The following MVP variants were observed in gnomAD, a reference collection of about 807,000 sequenced individuals.
MVP encodes major vault protein, also known as lung resistance-related protein.
A neutral mutation model predicts 83.5 loss-of-function variants in MVP; 62 were observed. The observed-to-expected ratio is 0.74, with a 90% CI of 0.61 to 0.92. The LOEUF is 0.92. Ranked by LOEUF, MVP falls within the 40% of genes least tolerant of loss-of-function variation. MVP has a pLI of 0.00. For missense variants in MVP, 1,000 were observed against 1,203.4 expected, an observed-to-expected ratio of 0.83 and a Z score of 2.50; for synonymous variants, 505 against 504.1, an observed-to-expected ratio of 1.00 and a Z score of -0.02.
rs2067593193 is a variant in MVP, at chr16:29,847,278, A to G, written c.2347A>G (p.Lys783Glu). 1.9e-6 allele frequency: 3 copies of G among 1,613,552 alleles called. No individual in the cohort carries two copies. Among genetic ancestry groups the G allele is most frequent in the Non-Finnish European group, 2.5e-6 (3 of 1,179,950 alleles). The change falls in exon 14 of 15, where the codon AAG (lysine) becomes GAG (glutamate). Residue 783 changes from lysine (K) to glutamate (E), a missense_variant. Transcript: ENST00000357402. ...GGCCCAGCTGGAGCTGGAGGTGAGC[A>G]AGGCTCAGCAGCTGGCTGAGGTGGA... Reference protein sequence around the residue: ...ARAQLELEVSKAQQLAEVEVK... With the variant: ...ARAQLELEVSEAQQLAEVEVK...
chr16:29,837,224 T>C (rs144431844), intron 7 of MVP, among the ~76,000 whole-genome samples: 326 of 152,334 alleles, frequency 2.1e-3, no homozygotes, highest in African/African-American at 7.6e-3. Context: ...GATACAGTCA[T>C]GCGCCACTTA....
In MVP at chr16:29,841,565, G is replaced by C; in HGVS notation, c.1192-31G>C. ...GGATCTTCCTCCCTTCCACCCTTACGGGCAGCTTCCCTCCCTGTCCTCGTC... is the reference window on the plus strand; with the variant it reads ...GGATCTTCCTCCCTTCCACCCTTACCGGCAGCTTCCCTCCCTGTCCTCGTC... On this transcript the variant is annotated intron_variant, in intron 8 of 14. Coordinates refer to ENST00000357402, the MANE Select transcript of MVP (RefSeq NM_005115.5). The surrounding 1 kb of genome is among the most constrained non-coding windows in gnomAD (Gnocchi z 4.7). 4 of 1,546,660 alleles carry C rather than the reference G, an allele frequency of 2.6e-6. No homozygotes were observed. Among genetic ancestry groups the C allele is most frequent in the East Asian group, 2.3e-5 (1 of 44,190 alleles).
intron 1 of MVP, among the ~76,000 whole-genome samples, chr16:29,821,692 C>T (rs752128297): frequency 1.3e-5 from 2 of 152,168 alleles, no homozygotes; most frequent in Non-Finnish European, 2.9e-5. Context: ...ACTTCCGGCT[C>T]CGTCCTTTGA....
intron 8 of MVP, among the ~76,000 whole-genome samples, chr16:29,840,863 T>C (rs1374120329): frequency 6.6e-6 from 1 of 151,652 alleles, no homozygotes; most frequent in Non-Finnish European, 1.5e-5. Context: ...TTGCTTGAAC[T>C]GGGAAGCGGA....
At position 29,840,209 on chromosome 16, in the gene MVP, A is replaced by T; in HGVS notation, c.941A>T (p.Glu314Val). 3.7e-6 allele frequency: 6 copies of T among 1,612,312 alleles called. No homozygotes were observed. The highest frequency in any genetic ancestry group is 5.1e-6 in the Non-Finnish European group (6 of 1,178,820). ...GEKSFFLQPGEQLEQGIQDVY... is the reference protein window; with the variant it reads ...GEKSFFLQPGVQLEQGIQDVY... ...AAGTCTTTTTTCCTCCAGCCAGGAG[A>T]GCAGCTGGAACAAGGCATCCAGGAT... Residue 314 changes from glutamate (E) to valine (V), a missense_variant, in exon 8 of 15, where the codon GAG becomes GTG. Coordinates refer to ENST00000357402, the MANE Select transcript of MVP (RefSeq NM_005115.5).
At chr16:29,835,480 CAAAA>C (rs59649743) in intron 5 of MVP, 158 of 72,860 alleles carry the variant, frequency 2.2e-3, no homozygotes, top group South Asian at 4.9e-3. Context: ...GACTCCGTCT[CAAAA>C]AAAAAAAAAA....
intron 13 of MVP, among the ~76,000 whole-genome samples, chr16:29,846,616 G>A (rs1315497538): frequency 6.6e-6 from 1 of 152,204 alleles, no homozygotes; most frequent in Non-Finnish European, 1.5e-5. Flanking sequence ...CTAGCACTTT[G>A]GGAGGCCGAG....
intron 1 of MVP, chr16:29,826,164 C>A (rs1248015493): frequency 6.6e-6 from 1 of 152,268 alleles, no homozygotes; most frequent in Non-Finnish European, 1.5e-5. Context: ...CTCAGGCACT[C>A]TTCCCTCCTC....
chr16:29,840,797 C>A (rs562520853), intron 8 of MVP, among the ~76,000 whole-genome samples: 4 of 152,048 alleles, frequency 2.6e-5, no homozygotes, highest in African/African-American at 9.7e-5. Context: ...AAACATTAGT[C>A]AGGCGTGGTG....
At chr16:29,825,615 A>AG (rs2067399571) in intron 1 of MVP, among the ~76,000 whole-genome samples, 1 of 151,912 alleles carries the variant, frequency 6.6e-6, no homozygotes, top group Non-Finnish European at 1.5e-5. Context: ...GTGCTGATGC[A>AG]GGGGCAGTTG....
At chr16:29,822,357 A>T (rs1224979616) in intron 1 of MVP, among the ~76,000 whole-genome samples, 1 of 152,002 alleles carries the variant, frequency 6.6e-6, no homozygotes, top group Non-Finnish European at 1.5e-5. Context: ...ACACATTCTC[A>T]ATTTCCATTA....
chr16:29,826,148 T>C (rs1023025298), intron 1 of MVP: 1 of 152,222 alleles, frequency 6.6e-6, no homozygotes, highest in African/African-American at 2.4e-5. Context: ...GATAGGAAAG[T>C]TGGGCCTCAG....
Position 29,830,494 on chromosome 16 carries a change from G to A in MVP, c.-35-21G>A. ...CCCAGGCTCCCCAGGTTCATCCTGT[G>A]TCGTCTCCCCCACCTACCAGTCATC... On this transcript the variant is annotated intron_variant, in intron 1 of 14. Transcript: ENST00000357402. The A allele has an allele frequency of 1.9e-6, 3 of 1,595,750 alleles. 1 individual carries two copies. In the South Asian group the frequency reaches 3.4e-5, roughly 18 times the overall value.
In MVP at chr16:29,840,188, C is replaced by A. The variant is rs1174016067; in HGVS notation, c.920C>A (p.Ser307Tyr). 13 of 1,609,556 alleles carry A rather than the reference C, an allele frequency of 8.1e-6. No individual in the cohort carries two copies. Among genetic ancestry groups the A allele is most frequent in the Non-Finnish European group, 1.0e-5 (12 of 1,177,372 alleles). ...ACGTCTCCCCACTAGGGAGAGAAGT[C>A]TTTTTTCCTCCAGCCAGGAGAGCAG... The part of the protein sequence containing the change: ...GQKRVVKGEK[S>Y]FFLQPGEQLE... The change falls in exon 8 of 15, where the codon TCT becomes TAT. Residue 307 changes from serine to tyrosine, a missense_variant. Physicochemically the swap from Ser to Tyr is moderately radical, Grantham distance 144. Coordinates refer to ENST00000357402, the MANE Select transcript of MVP (RefSeq NM_005115.5).
At chr16:29,842,331 G>A (rs561442826) in intron 10 of MVP, among the ~76,000 whole-genome samples, 19 of 152,056 alleles carry the variant, frequency 1.2e-4, no homozygotes, top group Middle Eastern at 3.4e-3. Flanking sequence ...TTGAGACCGA[G>A]TTTCACTCTT....
intron 5 of MVP, chr16:29,834,358 A>G (rs537897017): frequency 2.0e-5 from 8 of 391,742 alleles, no homozygotes; most frequent in South Asian, 1.3e-4. Context: ...GGATCAACAA[A>G]GAAGATGTTC....
chr16:29,843,603 A>AGGGAGGGG (rs2067556201), intron 10 of MVP, among the ~76,000 whole-genome samples: 2 of 40,754 alleles, frequency 4.9e-5, no homozygotes, highest in African/African-American at 9.5e-5. Flanking sequence ...GGAGGGAGGG[A>AGGGAGGGG]GGGTCAGGCG....
At chr16:29,840,573 C>T in intron 8 of MVP, 114 bp downstream of exon 8, 1 of 1,260,734 alleles carries the variant, frequency 7.9e-7, no homozygotes, top group Non-Finnish European at 1.1e-6. Context: ...AGAGCCATAT[C>T]AGGTGGGCTG....
In MVP at chr16:29,830,879, G is replaced by T; in HGVS notation, c.127G>T (p.Val43Leu). ...ACACCTCTTCTCATCTTCCTGCAGG[G>T]TACTGTTTGCCCCCATGCGCATGGT... ...KTYIRQDNER[V>L]LFAPMRMVTV... Residue 43 changes from valine to leucine, a missense_variant and splice_region_variant, in exon 3 of 15, where the codon GTA becomes TTA. By Grantham distance (32) the Val-to-Leu change is conservative (BLOSUM62 1). Coordinates refer to ENST00000357402, the MANE Select transcript of MVP (RefSeq NM_005115.5). 1.2e-6 allele frequency: 2 copies of T among 1,610,382 alleles called. No individual in the cohort carries two copies. Among genetic ancestry groups the T allele is most frequent in the Non-Finnish European group, 1.7e-6 (2 of 1,177,224 alleles).
Sources: gnomAD v4.1 joint callset for allele counts (sites outside exome capture counted in the v4.1 genomes callset) on GRCh38, gnomAD v4.1.1 for gene constraint, Gnocchi (gnomAD v3.1) non-coding constraint, MANE v1.5 for transcripts, NCBI Gene and HGNC (gene_info 2026-07-23, HGNC 2026-07-21) for gene names.